PITPNC1: variants seen among roughly 807,000 people sequenced by gnomAD.
The protein encoded by PITPNC1 is phosphatidylinositol transfer protein cytoplasmic 1, also known as cytoplasmic phosphatidylinositol transfer protein 1.
Under a neutral mutation model 44.7 loss-of-function variants are expected in PITPNC1, and 18 were observed. The ratio of observed to expected loss-of-function variants is 0.40; its 90% CI spans 0.28 to 0.60. PITPNC1 has a LOEUF of 0.60. Ranked by LOEUF, PITPNC1 falls within the 20% of genes least tolerant of loss-of-function variation. The pLI is 0.39. For synonymous variants in PITPNC1, 141 were observed against 149.6 expected (o/e 0.94, Z 0.42); for missense variants, 290 against 418.4 (o/e 0.69, Z 2.68).
chr17:67,560,900 A>C (rs1203588715), intron 4 of PITPNC1, among the ~76,000 whole-genome samples: 2 of 152,210 alleles, frequency 1.3e-5, no homozygotes, highest in Non-Finnish European at 2.9e-5. Context: ...ATCAGCAGAG[A>C]ATACAGAGTT....
intron 5 of PITPNC1, among the ~76,000 whole-genome samples, chr17:67,594,141 T>C (rs977543789): frequency 1.3e-5 from 2 of 152,132 alleles, no homozygotes; most frequent in East Asian, 1.9e-4. Context: ...TTCGACCAAA[T>C]AGGGTCCAAA....
intron 7 of PITPNC1, among the ~76,000 whole-genome samples, chr17:67,671,784 T>C (rs1365971326): frequency 6.6e-6 from 1 of 152,160 alleles, no homozygotes; most frequent in Non-Finnish European, 1.5e-5. Flanking sequence ...GGAAAGCAAT[T>C]GCAGCTCCCA....
At chr17:67,531,454 A>G (rs891947160) in intron 1 of PITPNC1, among the ~76,000 whole-genome samples, 5 of 152,118 alleles carry the variant, frequency 3.3e-5, no homozygotes, top group African/African-American at 1.2e-4. Flanking sequence ...CCCAGACGGC[A>G]GCTTGCTTCC....
chr17:67,515,096 A>G (rs575541019), intron 1 of PITPNC1, among the ~76,000 whole-genome samples: 1 of 152,312 alleles, frequency 6.6e-6, no homozygotes, highest in South Asian at 2.1e-4. Flanking sequence ...GATTTGTCTG[A>G]TTTCTAATTT....
chr17:67,472,970 G>A, intron 1 of PITPNC1, among the ~76,000 whole-genome samples: 2 of 151,540 alleles, frequency 1.3e-5, no homozygotes, highest in East Asian at 4.0e-4. Context: ...CTGCCTCTCA[G>A]GTTCATGCCA....
At chr17:67,510,370 C>T (rs12946084) in intron 1 of PITPNC1, among the ~76,000 whole-genome samples, 8,152 of 152,306 alleles carry the variant, frequency 0.054, 280 homozygotes, top group Middle Eastern at 0.11. Flanking sequence ...CTAATCCCTG[C>T]GTCCAGAGCT....
intron 1 of PITPNC1, among the ~76,000 whole-genome samples, chr17:67,501,133 T>C (rs1327163251): frequency 6.6e-6 from 1 of 152,250 alleles, no homozygotes; most frequent in East Asian, 1.9e-4. Context: ...TAGGTGCTAA[T>C]GTCATATTAT....
chr17:67,663,793 A>C (rs940132972), intron 6 of PITPNC1, among the ~76,000 whole-genome samples: 3 of 152,112 alleles, frequency 2.0e-5, no homozygotes, highest in African/African-American at 7.2e-5. Flanking sequence ...TTGCCATGGA[A>C]AGGGGCAGTA....
intron 1 of PITPNC1, among the ~76,000 whole-genome samples, chr17:67,385,201 C>A (rs1219065652): frequency 1.3e-5 from 2 of 152,066 alleles, no homozygotes; most frequent in African/African-American, 4.8e-5. Context: ...CTGTAGCTAG[C>A]TAGAGATTTC....
intron 1 of PITPNC1, among the ~76,000 whole-genome samples, chr17:67,521,605 T>A (rs752065539): frequency 2.6e-5 from 4 of 151,444 alleles, no homozygotes; most frequent in Non-Finnish European, 4.4e-5. Flanking sequence ...CCTGTCTACA[T>A]GGAGAAATCT....
chr17:67,409,501 G>A (rs2143840011), intron 1 of PITPNC1, among the ~76,000 whole-genome samples: 1 of 151,994 alleles, frequency 6.6e-6, no homozygotes, highest in African/African-American at 2.4e-5. Flanking sequence ...TTTTGATCCT[G>A]AAATTGCTGC....
intron 1 of PITPNC1, among the ~76,000 whole-genome samples, chr17:67,392,700 G>A (rs915577083): frequency 6.6e-6 from 1 of 152,072 alleles, no homozygotes; most frequent in Non-Finnish European, 1.5e-5. Flanking sequence ...AAGATGTTTT[G>A]CTTTGTATCA....
chr17:67,678,218 T>TAA (rs3028851), intron 8 of PITPNC1, among the ~76,000 whole-genome samples: 1,893 of 146,198 alleles, frequency 0.013, 39 homozygotes, highest in African/African-American at 0.035. Flanking sequence ...CTCGTCTCTT[T>TAA]AAAAAAAAAA....
At chr17:67,613,331 G>A (rs927811206) in intron 5 of PITPNC1, 1 of 152,214 alleles carries the variant, frequency 6.6e-6, no homozygotes, top group Admixed American at 6.5e-5. Context: ...ATGTCTAATA[G>A]TCAGTTGATA....
chr17:67,419,878 C>T (rs1279893775), intron 1 of PITPNC1, among the ~76,000 whole-genome samples: 1 of 151,772 alleles, frequency 6.6e-6, no homozygotes, highest in Non-Finnish European at 1.5e-5. Context: ...TGCACTCCAG[C>T]CTGAGTGAGG....
chr17:67,556,766 T>C (rs937906780), intron 4 of PITPNC1, among the ~76,000 whole-genome samples: 2 of 152,212 alleles, frequency 1.3e-5, no homozygotes, highest in Non-Finnish European at 2.9e-5. Context: ...AGAGCCTTCC[T>C]GCCTCAGTTA....
At chr17:67,486,488 C>T (rs373771712) in intron 1 of PITPNC1, among the ~76,000 whole-genome samples, 76 of 152,208 alleles carry the variant, frequency 5.0e-4, no homozygotes, top group Non-Finnish European at 8.4e-4. Flanking sequence ...TGGCATTGAT[C>T]GGAGATGGTA....
chr17:67,546,385 A>G (rs2040683945), intron 2 of PITPNC1, among the ~76,000 whole-genome samples: 1 of 152,028 alleles, frequency 6.6e-6, no homozygotes, highest in South Asian at 2.1e-4. Flanking sequence ...CTTTCAGTCC[A>G]TGCTATCCTA....
chr17:67,391,149 G>GAA (rs149435122), intron 1 of PITPNC1, among the ~76,000 whole-genome samples: 11 of 149,946 alleles, frequency 7.3e-5, no homozygotes, highest in South Asian at 2.1e-4. Context: ...CCTGAGCAAA[G>GAA]AAAAAAAAAT....
Sources: gnomAD v4.1 joint callset for allele counts (sites outside exome capture counted in the v4.1 genomes callset) on GRCh38, gnomAD v4.1.1 for gene constraint, MANE v1.5 for transcripts, NCBI Gene and HGNC (gene_info 2026-07-23, HGNC 2026-07-21) for gene names.